Variants in TUSC3 observed in about 807,000 individuals in gnomAD.
The protein encoded by TUSC3 is dolichyl-diphosphooligosaccharide--protein glycosyltransferase subunit TUSC3.
A neutral mutation model predicts 44.8 loss-of-function variants in TUSC3; 45 were observed. That is an observed-to-expected ratio of 1.00 (90% CI 0.79 to 1.29). The LOEUF (loss-of-function observed/expected upper bound fraction) is 1.29. TUSC3 is among the 50% of genes most tolerant of loss of function. The pLI, the probability that TUSC3 is intolerant of heterozygous loss-of-function variation, is 0.00. For synonymous variants in TUSC3, 212 were observed against 152.9 expected, an observed-to-expected ratio of 1.39 and a Z score of -2.85; for missense variants, 519 against 437.9, an observed-to-expected ratio of 1.19 and a Z score of -1.65.
Position 15,568,317 on chromosome 8 carries a change from A to G in TUSC3, c.138+27749A>G, listed in dbSNP as rs569228087. On this transcript the variant is annotated intron_variant, in intron 1 of 10. Coordinates refer to ENST00000503731, the MANE Select transcript of TUSC3 (RefSeq NM_006765.4). ...CCAGTCCTTGTTCTGGGTGCCATCA[A>G]TGCAGAAATAAACAAAATGTATAAA... 3.9e-5 allele frequency among the ~76,000 whole-genome samples: 6 copies of G among 152,296 alleles called. No individual in the cohort carries two copies. In the South Asian group the frequency reaches 1.0e-3, roughly 26 times the overall value.
chr8:15,543,479 C>T (rs1801756812), intron 1 of TUSC3, among the ~76,000 whole-genome samples: 1 of 152,040 alleles, frequency 6.6e-6, no homozygotes, highest in African/African-American at 2.4e-5. Context: ...TGACATCAGG[C>T]AAACGACAAA....
At chr8:15,577,778 G>A (rs1269581290) in intron 1 of TUSC3, among the ~76,000 whole-genome samples, 3 of 144,446 alleles carry the variant, frequency 2.1e-5, no homozygotes, top group Non-Finnish European at 4.6e-5. Context: ...TTTGGCTTAG[G>A]ATTGACTTGG....
At chr8:15,550,091 C>G (rs528283303) in intron 1 of TUSC3, among the ~76,000 whole-genome samples, 4 of 151,176 alleles carry the variant, frequency 2.6e-5, no homozygotes, top group Non-Finnish European at 5.9e-5. Context: ...TGGAACAGAA[C>G]AGGACAGGGA....
chr8:15,671,447 TA>T (rs527579529), intron 5 of TUSC3, among the ~76,000 whole-genome samples: 286 of 152,188 alleles, frequency 1.9e-3, no homozygotes, highest in African/African-American at 6.6e-3. Context: ...AGAATTTTGA[TA>T]AACTGAAACC....
chr8:15,700,706 C>T (rs1809357750), intron 6 of TUSC3, among the ~76,000 whole-genome samples: 1 of 151,980 alleles, frequency 6.6e-6, no homozygotes, highest in African/African-American at 2.4e-5. Context: ...AGTAGGAAAT[C>T]ATGGAATGAT....
the TUSC3 span, among the ~76,000 whole-genome samples, chr8:15,844,187 T>G: frequency 6.6e-6 from 1 of 152,190 alleles, no homozygotes; most frequent in African/African-American, 2.4e-5. Context: ...ATCTCTTTGT[T>G]GTAGTTTTTA....
At chr8:15,550,139 A>T (rs1802010870) in intron 1 of TUSC3, among the ~76,000 whole-genome samples, 1 of 151,816 alleles carries the variant, frequency 6.6e-6, no homozygotes, top group Non-Finnish European at 1.5e-5. Flanking sequence ...CTGTAATCAT[A>T]GCCGATTAGG....
chr8:15,611,258 C>T (rs187366560), intron 1 of TUSC3, among the ~76,000 whole-genome samples: 1 of 152,284 alleles, frequency 6.6e-6, no homozygotes, highest in East Asian at 1.9e-4. Flanking sequence ...GTGATCTCGG[C>T]TCACTGCAAA....
intron 1 of TUSC3, among the ~76,000 whole-genome samples, chr8:15,565,556 T>C (rs1276885345): frequency 6.6e-6 from 1 of 152,154 alleles, no homozygotes; most frequent in Non-Finnish European, 1.5e-5. Context: ...GTGTAGAAAT[T>C]CACCAGGCTC....
chr8:15,470,210 G>A (rs10109375), intron 1 of TUSC3, among the ~76,000 whole-genome samples: 4,139 of 151,112 alleles, frequency 0.027, 197 homozygotes, highest in African/African-American at 0.095. Flanking sequence ...AGGAGGCAGA[G>A]GTTGCACCAC....
Position 15,650,811 on chromosome 8 carries a change from G to A in TUSC3, c.423G>A (p.Gln141=). The change falls in exon 3 of 11, where the codon CAG becomes CAA. Residue 141 remains glutamine (Q), a synonymous_variant. Coordinates refer to ENST00000503731, the MANE Select transcript of TUSC3 (RefSeq NM_006765.4). ...ATGATGAGGGGACAGACGTTTTTCA[G>A]CAGGTAAAGAGTTATATCGTATTCA... The part of the protein sequence containing the change: ...VDYDEGTDVF[Q]QLNMNSAPTF... The A allele has an allele frequency of 6.2e-7, 1 of 1,613,054 alleles. No homozygotes were observed. Among genetic ancestry groups the A allele is most frequent in the Non-Finnish European group, 8.5e-7 (1 of 1,179,100 alleles).
intron 2 of TUSC3, among the ~76,000 whole-genome samples, chr8:15,500,673 C>G (rs1800950059): frequency 6.6e-6 from 1 of 152,104 alleles, no homozygotes; most frequent in East Asian, 1.9e-4. Context: ...CCCTAAAACA[C>G]TCAGTAAAAA....
the TUSC3 span, among the ~76,000 whole-genome samples, chr8:15,850,692 T>G: frequency 6.6e-6 from 1 of 152,166 alleles, no homozygotes; most frequent in Non-Finnish European, 1.5e-5. Context: ...TAGAAAGGAA[T>G]GGGTGAGGTG....
chr8:15,561,219 AACAG>A (rs1415816694), intron 1 of TUSC3, among the ~76,000 whole-genome samples: 1 of 138,960 alleles, frequency 7.2e-6, no homozygotes, highest in Non-Finnish European at 1.6e-5. Flanking sequence ...TTTTCCTTCT[AACAG>A]ACAGGACCCT....
At position 15,748,403 on chromosome 8, in the gene TUSC3, GGTCTTCTTCTTCA is replaced by G; in HGVS notation, c.969_981del (p.Phe325TyrfsTer24). The G allele has an allele frequency of 6.2e-7, 1 of 1,613,412 alleles. No homozygotes were observed. On this transcript the variant is annotated frameshift_variant, in exon 9 of 11. Transcript: ENST00000503731. LOFTEE classifies it high-confidence loss of function. ...TTTGCCTAGTGGGATTGGGCCTGGT[GGTCTTCTTCTTCA>G]GTTTTCTACTTTCAATATTTCGTTC...
chr8:15,452,849 G>A (rs1326033145), intron 1 of TUSC3, among the ~76,000 whole-genome samples: 1 of 152,096 alleles, frequency 6.6e-6, no homozygotes, highest in East Asian at 1.9e-4. Context: ...AGCTCCTCTT[G>A]TGCTGGTCTG....
intron 2 of TUSC3, among the ~76,000 whole-genome samples, chr8:15,644,296 C>G (rs969663672): frequency 6.6e-5 from 10 of 152,198 alleles, no homozygotes; most frequent in Non-Finnish European, 1.3e-4. Context: ...CTGCCCTCTT[C>G]AGGCTGCATA....
At chr8:15,838,873 G>GT in the TUSC3 span, among the ~76,000 whole-genome samples, 3 of 152,208 alleles carry the variant, frequency 2.0e-5, no homozygotes, top group East Asian at 3.9e-4. Context: ...CTTTAAAGTA[G>GT]TTTTTTTCCA....
intron 1 of TUSC3, among the ~76,000 whole-genome samples, chr8:15,616,450 C>T (rs1306730293): frequency 2.0e-5 from 3 of 152,094 alleles, no homozygotes; most frequent in East Asian, 1.9e-4. Flanking sequence ...TGGTGGCTCA[C>T]GCCTGTAATC....
Sources: gnomAD v4.1 joint callset for allele counts (sites outside exome capture counted in the v4.1 genomes callset) on GRCh38, gnomAD v4.1.1 for gene constraint, MANE v1.5 for transcripts, NCBI Gene and HGNC (gene_info 2026-07-23, HGNC 2026-07-21) for gene names.